The following ZFHX3 variants were observed in gnomAD, a reference collection of about 807,000 sequenced individuals.
ZFHX3 encodes the protein zinc finger homeobox protein 3.
In ZFHX3, 42 loss-of-function variants were observed where a neutral mutation model predicts 279.1. The ratio of observed to expected loss-of-function variants is 0.15; its 90% confidence interval spans 0.12 to 0.19. ZFHX3 has a LOEUF of 0.19. ZFHX3 is among the 10% of genes least tolerant of loss of function. ZFHX3 has a pLI of 1.00. For synonymous variants in ZFHX3, 2,293 were observed against 1,957.8 expected, an observed-to-expected ratio of 1.17 and a Z score of -4.52; for missense variants, 4,981 against 4,754.0, an observed-to-expected ratio of 1.05 and a Z score of -1.40.
intron 7 of ZFHX3, among the ~76,000 whole-genome samples, chr16:73,121,857 C>T (rs893701954): frequency 2.0e-5 from 3 of 152,112 alleles, no homozygotes; most frequent in African/African-American, 7.2e-5. Context: ...CCTCGTGATC[C>T]ACCTGCCTCG....
At chr16:73,506,737 C>T (rs1324893486) in intron 2 of ZFHX3, among the ~76,000 whole-genome samples, 3 of 152,122 alleles carry the variant, frequency 2.0e-5, no homozygotes, top group Non-Finnish European at 4.4e-5. Flanking sequence ...AGCTGAGTCC[C>T]CATGTGCAAC....
chr16:73,740,543 A>T (rs1597090214), intron 1 of ZFHX3, among the ~76,000 whole-genome samples: 1 of 152,186 alleles, frequency 6.6e-6, no homozygotes, highest in Non-Finnish European at 1.5e-5. Flanking sequence ...AAAAGAAAAA[A>T]AATGCCACTT....
intron 2 of ZFHX3, among the ~76,000 whole-genome samples, chr16:73,557,921 C>T (rs1284113300): frequency 6.6e-6 from 1 of 152,126 alleles, no homozygotes; most frequent in Admixed American, 6.5e-5. Flanking sequence ...CCAAAACCCC[C>T]AAAAGCACAC....
At chr16:72,856,735 C>G (rs1014060790) in intron 4 of ZFHX3, among the ~76,000 whole-genome samples, 1 of 152,190 alleles carries the variant, frequency 6.6e-6, no homozygotes, top group Non-Finnish European at 1.5e-5. Context: ...GAAATTAGTT[C>G]TTCCCTATAC....
At chr16:73,384,392 G>C (rs933773130) in intron 3 of ZFHX3, among the ~76,000 whole-genome samples, 1 of 152,242 alleles carries the variant, frequency 6.6e-6, no homozygotes, top group Non-Finnish European at 1.5e-5. Context: ...GGATTTAGCA[G>C]GTCTGAGGTG....
chr16:73,339,975 G>A (rs2015999820), intron 3 of ZFHX3, among the ~76,000 whole-genome samples: 1 of 152,194 alleles, frequency 6.6e-6, no homozygotes, highest in Non-Finnish European at 1.5e-5. Flanking sequence ...GTCAATGAGA[G>A]AGTCACCTTT....
At chr16:73,039,277 T>C (rs1965024818) in intron 1 of ZFHX3, among the ~76,000 whole-genome samples, 1 of 152,078 alleles carries the variant, frequency 6.6e-6, no homozygotes. Context: ...CATTTTTAAA[T>C]GCCAAAAAGA....
intron 3 of ZFHX3, among the ~76,000 whole-genome samples, chr16:72,906,954 A>T (rs1260427906): frequency 6.6e-6 from 1 of 152,218 alleles, no homozygotes; most frequent in African/African-American, 2.4e-5. Flanking sequence ...CACATCACGC[A>T]TGCTACAAGT....
intron 5 of ZFHX3, among the ~76,000 whole-genome samples, chr16:72,819,462 C>T (rs531759626): frequency 1.3e-5 from 2 of 152,340 alleles, no homozygotes; most frequent in African/African-American, 2.4e-5. Context: ...CATTAAAACA[C>T]AGATCACAGC....
At chr16:73,513,971 G>A (rs1378388312) in intron 2 of ZFHX3, among the ~76,000 whole-genome samples, 1 of 152,168 alleles carries the variant, frequency 6.6e-6, no homozygotes, top group African/African-American at 2.4e-5. Flanking sequence ...AAGTGATATT[G>A]GAGGCCATGT....
chr16:73,198,922 A>G (rs1968210487), intron 5 of ZFHX3, among the ~76,000 whole-genome samples: 1 of 152,240 alleles, frequency 6.6e-6, no homozygotes, highest in Non-Finnish European at 1.5e-5. Flanking sequence ...AACCATCAAC[A>G]TCAAAAACAA....
chr16:73,643,667 A>T, intron 2 of ZFHX3, among the ~76,000 whole-genome samples: 1 of 152,186 alleles, frequency 6.6e-6, no homozygotes, highest in South Asian at 2.1e-4. Context: ...CAGTGTTTCC[A>T]TTGACATCAA....
At chr16:73,458,323 TCA>T (rs2018410608) in intron 2 of ZFHX3, among the ~76,000 whole-genome samples, 3 of 92,756 alleles carry the variant, frequency 3.2e-5, no homozygotes, top group Non-Finnish European at 6.7e-5. Flanking sequence ...CCTTCCTCCC[TCA>T]CTTCCTCCCT....
At chr16:73,314,905 G>C (rs2015407217) in intron 4 of ZFHX3, among the ~76,000 whole-genome samples, 2 of 152,172 alleles carry the variant, frequency 1.3e-5, no homozygotes, top group South Asian at 4.1e-4. Context: ...ATTCTCATTA[G>C]ATAATTTGTG....
At chr16:73,735,549 T>C (rs1243063274) in intron 1 of ZFHX3, among the ~76,000 whole-genome samples, 1 of 152,012 alleles carries the variant, frequency 6.6e-6, no homozygotes, top group Non-Finnish European at 1.5e-5. Context: ...CACAGCCCTC[T>C]CTCACTCTCA....
At chr16:73,734,150 T>C (rs190857527) in intron 1 of ZFHX3, among the ~76,000 whole-genome samples, 5 of 152,144 alleles carry the variant, frequency 3.3e-5, no homozygotes, top group African/African-American at 1.2e-4. Context: ...TGACAGGAGG[T>C]GGAGCTCAGG....
chr16:73,861,423 G>A (rs898106258), intron 1 of ZFHX3, among the ~76,000 whole-genome samples: 1 of 152,122 alleles, frequency 6.6e-6, no homozygotes, highest in African/African-American at 2.4e-5. Context: ...AAGAAATATG[G>A]GGAGGTTAGA....
intron 2 of ZFHX3, among the ~76,000 whole-genome samples, chr16:73,498,527 A>G (rs1487330494): frequency 6.6e-6 from 1 of 152,268 alleles, no homozygotes; most frequent in Non-Finnish European, 1.5e-5. Flanking sequence ...GAGTTGAAGA[A>G]GGAATTTCTT....
intron 1 of ZFHX3, among the ~76,000 whole-genome samples, chr16:73,889,771 C>T (rs1053482971): frequency 2.6e-5 from 4 of 152,140 alleles, no homozygotes; most frequent in African/African-American, 9.7e-5. Flanking sequence ...TTGAAGTTGA[C>T]AGCGGCTCAC....
Sources: allele counts gnomAD v4.1 joint callset (sites outside exome capture counted in the v4.1 genomes callset), GRCh38; gene constraint gnomAD v4.1.1; transcripts MANE v1.5; gene names NCBI Gene and HGNC (gene_info 2026-07-23, HGNC 2026-07-21).